The following XIRP2 variants were observed in gnomAD, a reference collection of about 807,000 sequenced individuals.
XIRP2 encodes xin actin binding repeat containing 2.
XIRP2 carries 236 observed loss-of-function variants against 277.0 expected under a neutral mutation model. The ratio of observed to expected loss-of-function variants is 0.85; its 90% CI spans 0.77 to 0.95. XIRP2 has a LOEUF of 0.95. Among genes scored for constraint, XIRP2 ranks in the 40% least tolerant of loss-of-function variants. The probability of loss-of-function intolerance (pLI) is 0.00; values close to 1 mark genes in which losing one functional copy is unlikely to be tolerated. For missense variants in XIRP2, 4,640 were observed against 4,157.5 expected (o/e 1.12, Z -3.19); for synonymous variants, 1,490 against 1,416.5 (o/e 1.05, Z -1.17).
intron 2 of XIRP2, among the ~76,000 whole-genome samples, chr2:167,059,315 G>T (rs1229964893): frequency 6.7e-6 from 1 of 150,356 alleles, no homozygotes. Context: ...ATGGGGTTTC[G>T]CCATGTTGGG....
intron 2 of XIRP2, among the ~76,000 whole-genome samples, chr2:166,961,642 G>A (rs1002091216): frequency 2.0e-5 from 3 of 151,628 alleles, no homozygotes; most frequent in Admixed American, 2.0e-4. Context: ...GAAATTTACT[G>A]TCTAAAAAAT....
intron 2 of XIRP2, among the ~76,000 whole-genome samples, chr2:167,016,778 A>G (rs1687837999): frequency 6.6e-6 from 1 of 152,008 alleles, no homozygotes; most frequent in South Asian, 2.1e-4. Context: ...AGGATGGAGT[A>G]TGAAGATTCT....
chr2:167,093,493 G>C (rs760721648), intron 2 of XIRP2, among the ~76,000 whole-genome samples: 1 of 151,894 alleles, frequency 6.6e-6, no homozygotes, highest in Non-Finnish European at 1.5e-5. Context: ...ACAGGCCCCA[G>C]TGTGTGATGT....
chr2:167,128,354 T>C (rs2105310985), intron 2 of XIRP2, among the ~76,000 whole-genome samples: 1 of 152,264 alleles, frequency 6.6e-6, no homozygotes. Flanking sequence ...ACTGTGTGCG[T>C]CCACTTACAT....
In XIRP2 at chr2:167,222,623, T is replaced by C. The variant is rs186632600; in HGVS notation, c.858+4323T>C. 2.6e-5 allele frequency among the ~76,000 whole-genome samples: 4 copies of C among 152,302 alleles called. No homozygotes were observed. In the East Asian group the frequency reaches 7.7e-4, roughly 29 times the overall value. ...AATCAGTAGGCCCTCAATGCTAGAA[T>C]GAAAAGGACAACTTGAGAGGGGTGT... On this transcript the variant is annotated intron_variant, in intron 5 of 10. Coordinates refer to ENST00000409195, the MANE Select transcript of XIRP2 (RefSeq NM_152381.6).
chr2:167,079,601 C>T (rs1689674123), intron 2 of XIRP2, among the ~76,000 whole-genome samples: 1 of 152,094 alleles, frequency 6.6e-6, no homozygotes, highest in Admixed American at 6.5e-5. Flanking sequence ...TCCATTTCCT[C>T]TCAACTTCCT....
intron 3 of XIRP2, among the ~76,000 whole-genome samples, chr2:167,156,491 C>G (rs1272453090): frequency 1.4e-5 from 2 of 147,768 alleles, no homozygotes; most frequent in East Asian, 4.0e-4. Context: ...TAAGATGTAT[C>G]TATAATTAAA....
intron 5 of XIRP2, among the ~76,000 whole-genome samples, chr2:167,235,129 T>C (rs1315210711): frequency 6.6e-6 from 1 of 151,920 alleles, no homozygotes; most frequent in African/African-American, 2.4e-5. Flanking sequence ...TATTGCATAA[T>C]GGTGGGATCT....
rs1694009728 is a variant in XIRP2 at position 167,210,909 on chromosome 2, A to T, written c.723+14A>T. 1 of 1,613,458 alleles carries T rather than the reference A, an allele frequency of 6.2e-7. No individual in the cohort carries two copies. Among genetic ancestry groups the T allele is most frequent in the South Asian group, 1.1e-5 (1 of 91,054 alleles). The stretch of plus-strand genomic sequence containing the variant: ...TTCTCTGCTAATGTAAGCTGCTCCT[A>T]ATGGTTTTGCACTAGGCAATGTGCT... On this transcript the variant is annotated intron_variant, in intron 4 of 10. Coordinates refer to ENST00000409195, the MANE Select transcript of XIRP2 (RefSeq NM_152381.6).
At chr2:166,915,199 G>A (rs1395064744) in intron 2 of XIRP2, among the ~76,000 whole-genome samples, 2 of 150,552 alleles carry the variant, frequency 1.3e-5, no homozygotes, top group African/African-American at 2.4e-5. Flanking sequence ...TACTTGGGAG[G>A]CTGAGGCAGG....
chr2:167,111,659 T>G (rs1378438220), intron 2 of XIRP2, among the ~76,000 whole-genome samples: 1 of 132,684 alleles, frequency 7.5e-6, no homozygotes, highest in Non-Finnish European at 1.5e-5. Context: ...CTGCCAGCTT[T>G]TGGTTATCAT....
intron 3 of XIRP2, among the ~76,000 whole-genome samples, chr2:167,190,088 G>A (rs537961702): frequency 2.0e-5 from 3 of 152,180 alleles, no homozygotes. Flanking sequence ...GGCAAGGTAT[G>A]GCATTAAAGG....
At chr2:167,188,669 C>T (rs1693234462) in intron 3 of XIRP2, among the ~76,000 whole-genome samples, 1 of 152,194 alleles carries the variant, frequency 6.6e-6, no homozygotes, top group Non-Finnish European at 1.5e-5. Context: ...GCTCCTCTGC[C>T]TAATCTTTGA....
rs1333231537 is a variant in XIRP2 at position 167,216,994 on chromosome 2, G to T, written c.724-1172G>T. Among the ~76,000 whole-genome samples, 58 of 143,468 alleles carry T rather than the reference G, an allele frequency of 4.0e-4. 1 individual carries two copies. The highest frequency in any genetic ancestry group is 1.5e-3 in the African/African-American group (54 of 35,592). 94.1% of individuals were successfully genotyped at this position (143,468 alleles called of 152,430 possible). Reference sequence around the variant, plus strand: ...TCATGTCCTTTGTAGGGACATGGATGAAATTGGAAACCATCATTCTCAGTA... The same window carrying T: ...TCATGTCCTTTGTAGGGACATGGATTAAATTGGAAACCATCATTCTCAGTA... On this transcript the variant is annotated intron_variant, in intron 4 of 10. Coordinates refer to ENST00000409195, the MANE Select transcript of XIRP2 (RefSeq NM_152381.6).
intron 2 of XIRP2, among the ~76,000 whole-genome samples, chr2:166,942,193 G>A (rs549551705): frequency 3.5e-4 from 54 of 152,226 alleles, no homozygotes; most frequent in African/African-American, 1.1e-3. Context: ...ATGGAGGCAC[G>A]AAAACCATGC....
At chr2:167,022,318 TGA>T (rs1182769096) in intron 2 of XIRP2, among the ~76,000 whole-genome samples, 1 of 152,138 alleles carries the variant, frequency 6.6e-6, no homozygotes, top group Admixed American at 6.6e-5. Context: ...GCAGGAAAAT[TGA>T]GAGTCATTTA....
rs190802929 is a variant in XIRP2 at position 166,957,189 on chromosome 2, G to T, written c.408+53299G>T. Among the ~76,000 whole-genome samples the T allele has an allele frequency of 3.2e-3, 479 of 151,478 alleles. 4 individuals are homozygous for T. The highest frequency in any genetic ancestry group is 0.011 in the African/African-American group (453 of 41,420). Reference sequence around the variant, plus strand: ...GATTTTTCTTAGTCACTAGTCAAAGGATATTAATATTTTATGATCTCAAAA... The same window carrying T: ...GATTTTTCTTAGTCACTAGTCAAAGTATATTAATATTTTATGATCTCAAAA... On this transcript the variant is annotated intron_variant, in intron 2 of 10. Coordinates refer to ENST00000409195, the MANE Select transcript of XIRP2 (RefSeq NM_152381.6).
intron 2 of XIRP2, among the ~76,000 whole-genome samples, chr2:167,012,142 A>G (rs892510518): frequency 6.6e-6 from 1 of 151,532 alleles, no homozygotes; most frequent in African/African-American, 2.4e-5. Context: ...AGTTCTTTTA[A>G]TTGTGATGTT....
intron 2 of XIRP2, among the ~76,000 whole-genome samples, chr2:167,022,577 C>T (rs1018167793): frequency 6.6e-6 from 1 of 152,026 alleles, no homozygotes; most frequent in Non-Finnish European, 1.5e-5. Context: ...TTAGGTATAT[C>T]TCCTAATGCT....
Sources: allele counts gnomAD v4.1 joint callset (sites outside exome capture counted in the v4.1 genomes callset), GRCh38; gene constraint gnomAD v4.1.1; transcripts MANE v1.5; gene names NCBI Gene and HGNC (gene_info 2026-07-23, HGNC 2026-07-21).